Variants in GATAD2B observed in about 807,000 individuals in gnomAD.
GATAD2B encodes GATA zinc finger domain containing 2B.
A neutral mutation model predicts 64.3 loss-of-function variants in GATAD2B; 8 were observed. The ratio of observed to expected loss-of-function variants is 0.12; its 90% confidence interval spans 0.07 to 0.22. GATAD2B has a LOEUF of 0.22. GATAD2B is among the 10% of genes least tolerant of loss of function. The pLI is 1.00. For synonymous variants in GATAD2B, 281 were observed against 271.3 expected (o/e 1.04, Z -0.35); for missense variants, 453 against 752.0 (o/e 0.60, Z 4.65).
chr1:153,908,094 C>A lies in GATAD2B; in HGVS notation c.-2+14639G>T, dbSNP rs1421123499. 2.6e-5 allele frequency among the ~76,000 whole-genome samples: 4 copies of A among 152,318 alleles called. No homozygotes were observed. The East Asian group carries it at 7.7e-4, about 29-fold the overall frequency. ...CTGGGACTACAGGCGTGAGCCATCA[C>A]GCCCAGCCTAAGATGGTAAATTTTA... On this transcript the variant is annotated intron_variant, in intron 1 of 10. Transcript: ENST00000368655.
At chr1:153,914,554 C>A (rs1489443273) in intron 1 of GATAD2B, 2 of 152,130 alleles carry the variant, frequency 1.3e-5, no homozygotes, top group African/African-American at 4.8e-5. Flanking sequence ...ATTTTCTAAA[C>A]CCATAGGAGT....
In GATAD2B at chr1:153,918,616, G is replaced by A. The variant is rs373877824; in HGVS notation, c.-2+4117C>T. ...GCTTTGATCAAAAGATTTAAAGTACGACTCTCAGCTTTAGGTAACAGTAAC... is the reference window on the plus strand; with the variant it reads ...GCTTTGATCAAAAGATTTAAAGTACAACTCTCAGCTTTAGGTAACAGTAAC... On this transcript the variant is annotated intron_variant, in intron 1 of 10. Coordinates refer to ENST00000368655, the MANE Select transcript of GATAD2B (RefSeq NM_020699.4). 4.6e-5 allele frequency among the ~76,000 whole-genome samples: 7 copies of A among 152,236 alleles called. No homozygotes were observed. In the East Asian group the frequency reaches 9.6e-4, roughly 21 times the overall value.
At chr1:153,834,318 T>C (rs1675192788) in intron 1 of GATAD2B, among the ~76,000 whole-genome samples, 1 of 151,972 alleles carries the variant, frequency 6.6e-6, no homozygotes, top group Admixed American at 6.6e-5. Flanking sequence ...CCTGTCTCTA[T>C]AAAAATAAAA....
chr1:153,863,606 C>T (rs752681039), intron 1 of GATAD2B, among the ~76,000 whole-genome samples: 2 of 150,478 alleles, frequency 1.3e-5, no homozygotes, highest in Non-Finnish European at 3.0e-5. Flanking sequence ...TTCTCCAGTA[C>T]TCATCTATAA....
chr1:153,871,661 G>A (rs1012023519), intron 1 of GATAD2B, among the ~76,000 whole-genome samples: 11 of 151,848 alleles, frequency 7.2e-5, no homozygotes, highest in African/African-American at 2.2e-4. Flanking sequence ...TAGTAGAGAC[G>A]GGTTTTACCA....
chr1:153,851,767 C>T (rs951541757), intron 1 of GATAD2B, among the ~76,000 whole-genome samples: 5 of 152,238 alleles, frequency 3.3e-5, no homozygotes, highest in Admixed American at 1.3e-4. Context: ...CCAGTTTCTA[C>T]CCCAGCCCGC....
chr1:153,909,947 CAAA>C (rs34780134), intron 1 of GATAD2B, among the ~76,000 whole-genome samples: 1 of 101,104 alleles, frequency 9.9e-6, no homozygotes, highest in African/African-American at 3.9e-5. Flanking sequence ...GACTCCATCT[CAAA>C]AAAAAAAAAA....
At chr1:153,914,422 A>C (rs1182015638) in intron 1 of GATAD2B, among the ~76,000 whole-genome samples, 1 of 152,336 alleles carries the variant, frequency 6.6e-6, no homozygotes, top group Non-Finnish European at 1.5e-5. Context: ...GAGGAAACTA[A>C]GGCTCAGAGA....
chr1:153,866,857 T>C (rs1676492261), intron 1 of GATAD2B, among the ~76,000 whole-genome samples: 1 of 152,204 alleles, frequency 6.6e-6, no homozygotes, highest in Admixed American at 6.5e-5. Context: ...TCTCAGCCAC[T>C]GCAATCTCCG....
intron 1 of GATAD2B, among the ~76,000 whole-genome samples, chr1:153,884,775 T>C (rs1006922015): frequency 2.0e-5 from 3 of 152,160 alleles, no homozygotes; most frequent in Non-Finnish European, 4.4e-5. Flanking sequence ...ATTTCTTTTT[T>C]TCGAGACAGT....
At chr1:153,823,752 A>G (rs570275434) in intron 2 of GATAD2B, among the ~76,000 whole-genome samples, 72 of 146,354 alleles carry the variant, frequency 4.9e-4, no homozygotes, top group Middle Eastern at 7.0e-3. Flanking sequence ...TTTTTTTGAG[A>G]CAAGGTCTTG....
Position 153,909,270 on chromosome 1 carries a change from G to C in GATAD2B, c.-2+13463C>G, listed in dbSNP as rs1254272011. Among the ~76,000 whole-genome samples, 5 of 151,932 alleles carry C rather than the reference G, an allele frequency of 3.3e-5. No homozygotes were observed. In the South Asian group the frequency reaches 6.2e-4, roughly 19 times the overall value. The stretch of plus-strand genomic sequence containing the variant: ...GCTCTGTCGCCCAGGCTGGAGTACA[G>C]TGGCGCAATCTGGGCTCACTGCAAC... On this transcript the variant is annotated intron_variant, in intron 1 of 10. Transcript: ENST00000368655.
Position 153,818,822 on chromosome 1 carries a change from C to T in GATAD2B, c.566G>A (p.Ser189Asn). Residue 189 changes from serine to asparagine, a missense_variant, in exon 4 of 11, where the codon AGT becomes AAT. By Grantham distance (46) the Ser-to-Asn change is conservative. Coordinates refer to ENST00000368655, the MANE Select transcript of GATAD2B (RefSeq NM_020699.4). ...RLVLLKKLRQSQLQKENVVQK... is the reference protein window; with the variant it reads ...RLVLLKKLRQNQLQKENVVQK... ...GACCACATTCTCTTTCTGTAGCTGA[C>T]TCTGTCTCAGTTTCTTTAACAGGAC... The T allele has an allele frequency of 6.2e-7, 1 of 1,613,762 alleles. No individual in the cohort carries two copies. The highest frequency in any genetic ancestry group is 8.5e-7 in the Non-Finnish European group (1 of 1,179,974).
At chr1:153,837,073 T>C (rs1332190927) in intron 1 of GATAD2B, among the ~76,000 whole-genome samples, 1 of 152,200 alleles carries the variant, frequency 6.6e-6, no homozygotes, top group East Asian at 1.9e-4. Context: ...CTCACAACCA[T>C]GCCTCCCTCA....
At chr1:153,841,369 G>A (rs919694898) in intron 1 of GATAD2B, among the ~76,000 whole-genome samples, 2 of 152,082 alleles carry the variant, frequency 1.3e-5, no homozygotes, top group Non-Finnish European at 2.9e-5. Flanking sequence ...CATCATCACA[G>A]TTAAGAAACA....
At chr1:153,844,209 T>TG (rs1557798834) in intron 1 of GATAD2B, among the ~76,000 whole-genome samples, 1 of 150,902 alleles carries the variant, frequency 6.6e-6, no homozygotes, top group African/African-American at 2.4e-5. Context: ...TATCCAAGAC[T>TG]GGGGGAAAAA....
At chr1:153,842,583 A>AC (rs1313704188) in intron 1 of GATAD2B, among the ~76,000 whole-genome samples, 3 of 151,904 alleles carry the variant, frequency 2.0e-5, no homozygotes, top group African/African-American at 7.3e-5. Context: ...AGAAATTATC[A>AC]CTTCTGTACT....
intron 1 of GATAD2B, among the ~76,000 whole-genome samples, chr1:153,851,141 T>C (rs1037732082): frequency 6.6e-6 from 1 of 152,138 alleles, no homozygotes; most frequent in East Asian, 1.9e-4. Context: ...CAACCACCAT[T>C]TGACTCTGTC....
At chr1:153,853,948 G>A (rs1428916230) in intron 1 of GATAD2B, among the ~76,000 whole-genome samples, 2 of 152,098 alleles carry the variant, frequency 1.3e-5, no homozygotes, top group Admixed American at 6.5e-5. Flanking sequence ...CAGAGCCCAA[G>A]CTGAGACACA....
Sources: gnomAD v4.1 joint callset for allele counts (sites outside exome capture counted in the v4.1 genomes callset) on GRCh38, gnomAD v4.1.1 for gene constraint, MANE v1.5 for transcripts, NCBI Gene and HGNC (gene_info 2026-07-23, HGNC 2026-07-21) for gene names.